The following TOX variants were observed in gnomAD, a reference collection of about 807,000 sequenced individuals.
TOX encodes the protein thymocyte selection-associated high mobility group box protein TOX.
A neutral mutation model predicts 53.7 loss-of-function variants in TOX; 11 were observed. The observed-to-expected ratio is 0.20, with a 90% CI of 0.13 to 0.34. TOX has a LOEUF of 0.34. Among genes scored for constraint, TOX ranks in the 10% least tolerant of loss-of-function variants. The pLI, the probability that TOX is intolerant of heterozygous loss-of-function variation, is 1.00. For missense variants in TOX, 570 were observed against 664.6 expected, an observed-to-expected ratio of 0.86 and a Z score of 1.56; for synonymous variants, 225 against 245.3, an observed-to-expected ratio of 0.92 and a Z score of 0.77.
rs369635293 is a variant in TOX, at chr8:58,815,416, C to T, written c.1314G>A (p.Pro438=). The change falls in exon 7 of 9, where the codon CCG becomes CCA. Residue 438 remains proline, a synonymous_variant. Coordinates refer to ENST00000361421, the MANE Select transcript of TOX (RefSeq NM_014729.3). ...TCCCAAGGGGCTGCTGCATGGTGAG[C>T]GGCTGGTGCTGCTGCATGTTGAGAT... ...HQHLNMQQHQ[P]LTMQQPLGNQ... 4.4e-5 allele frequency: 71 copies of T among 1,613,766 alleles called. No individual in the cohort carries two copies. The highest frequency in any genetic ancestry group is 2.2e-4 in the South Asian group (20 of 91,014).
chr8:58,933,868 T>G (rs982556357), intron 3 of TOX, among the ~76,000 whole-genome samples: 2 of 152,060 alleles, frequency 1.3e-5, no homozygotes, highest in Non-Finnish European at 2.9e-5. Flanking sequence ...CTGACACCAC[T>G]CCCAACAAGC....
At chr8:59,026,118 T>TTA (rs199770244) in intron 1 of TOX, among the ~76,000 whole-genome samples, 4 of 118,954 alleles carry the variant, frequency 3.4e-5, no homozygotes, top group Admixed American at 2.4e-4. Flanking sequence ...TCACTTAATT[T>TTA]TATGTTTTTT....
At chr8:59,051,643 G>C (rs1385164673) in intron 1 of TOX, among the ~76,000 whole-genome samples, 1 of 152,038 alleles carries the variant, frequency 6.6e-6, no homozygotes, top group African/African-American at 2.4e-5. Context: ...TGCAACCTAA[G>C]TCTTAGCAAA....
chr8:58,989,927 T>C (rs1813409011), intron 1 of TOX, among the ~76,000 whole-genome samples: 1 of 152,142 alleles, frequency 6.6e-6, no homozygotes, highest in South Asian at 2.1e-4. Context: ...TGATCCATAA[T>C]TGAGGTCAGA....
intron 1 of TOX, among the ~76,000 whole-genome samples, chr8:59,069,388 T>A (rs1804153248): frequency 6.6e-6 from 1 of 152,090 alleles, no homozygotes; most frequent in South Asian, 2.1e-4. Flanking sequence ...AGGAGAGGTG[T>A]TATGTTTGAT....
intron 7 of TOX, 140 bp downstream of exon 7, chr8:58,815,198 C>A (rs1810152521): frequency 8.8e-7 from 1 of 1,142,640 alleles, no homozygotes; most frequent in South Asian, 2.5e-5. Flanking sequence ...TGTTGAATAT[C>A]TTTAGTGCTC....
intron 7 of TOX, among the ~76,000 whole-genome samples, chr8:58,811,259 A>G (rs1268652494): frequency 6.6e-6 from 1 of 152,238 alleles, no homozygotes; most frequent in African/African-American, 2.4e-5. Context: ...TAATTAAACA[A>G]GACTGAATAT....
chr8:59,064,977 G>A (rs1804061382), intron 1 of TOX, among the ~76,000 whole-genome samples: 1 of 152,058 alleles, frequency 6.6e-6, no homozygotes, highest in African/African-American at 2.4e-5. Flanking sequence ...GAACAAAAAA[G>A]CGCCCTGAGG....
chr8:58,939,858 A>T (rs1017687817), intron 2 of TOX, among the ~76,000 whole-genome samples: 30 of 152,202 alleles, frequency 2.0e-4, no homozygotes, highest in Admixed American at 1.6e-3. Context: ...TACCTCTTTC[A>T]TGGGAATTGT....
chr8:58,986,298 C>A (rs1813326502), intron 1 of TOX, among the ~76,000 whole-genome samples: 1 of 152,122 alleles, frequency 6.6e-6, no homozygotes, highest in Non-Finnish European at 1.5e-5. Flanking sequence ...AAAACTACTA[C>A]AGGATTTAGA....
At chr8:58,912,685 C>T (rs1345494627) in intron 3 of TOX, among the ~76,000 whole-genome samples, 1 of 152,136 alleles carries the variant, frequency 6.6e-6, no homozygotes, top group Non-Finnish European at 1.5e-5. Context: ...TTGAGAAACC[C>T]CACGGCTCAG....
intron 3 of TOX, among the ~76,000 whole-genome samples, chr8:58,884,801 A>G (rs1811439956): frequency 6.6e-6 from 1 of 152,146 alleles, no homozygotes; most frequent in South Asian, 2.1e-4. Flanking sequence ...TTTTAGCTTT[A>G]CCAAATAATG....
At chr8:58,993,609 C>T (rs1390122987) in intron 1 of TOX, among the ~76,000 whole-genome samples, 1 of 152,144 alleles carries the variant, frequency 6.6e-6, no homozygotes, top group African/African-American at 2.4e-5. Flanking sequence ...AGTAATAACA[C>T]CCAGAGGTAA....
intron 1 of TOX, among the ~76,000 whole-genome samples, chr8:59,071,569 T>A (rs921161169): frequency 2.6e-5 from 4 of 152,202 alleles, no homozygotes; most frequent in Non-Finnish European, 4.4e-5. Context: ...TTAAAACTCA[T>A]TAATTTTAGA....
intron 1 of TOX, among the ~76,000 whole-genome samples, chr8:59,098,018 A>T (rs1804741994): frequency 6.6e-6 from 1 of 152,148 alleles, no homozygotes; most frequent in African/African-American, 2.4e-5. Context: ...GAAATCCATC[A>T]TTTGGAGTAA....
At chr8:58,893,658 C>T (rs115752659) in intron 3 of TOX, among the ~76,000 whole-genome samples, 1 of 152,192 alleles carries the variant, frequency 6.6e-6, no homozygotes, top group African/African-American at 2.4e-5. Flanking sequence ...ATGGCTTTAG[C>T]TGCCTTTGGT....
chr8:58,906,710 T>G (rs902227463), intron 3 of TOX, among the ~76,000 whole-genome samples: 10 of 152,332 alleles, frequency 6.6e-5, no homozygotes, highest in Middle Eastern at 3.4e-3. Flanking sequence ...TTATAAACGC[T>G]ACATTTTTTT....
At chr8:58,958,756 C>A (rs139284650) in intron 2 of TOX, among the ~76,000 whole-genome samples, 5 of 152,148 alleles carry the variant, frequency 3.3e-5, no homozygotes, top group African/African-American at 1.2e-4. Context: ...TCATGATGAC[C>A]TTTTCAGCTG....
intron 1 of TOX, among the ~76,000 whole-genome samples, chr8:58,960,986 A>C (rs1367609850): frequency 3.3e-5 from 5 of 152,238 alleles, no homozygotes; most frequent in Admixed American, 2.6e-4. Flanking sequence ...AACTTCAGAC[A>C]TGGGGAATTG....
Sources: allele counts gnomAD v4.1 joint callset (sites outside exome capture counted in the v4.1 genomes callset), GRCh38; gene constraint gnomAD v4.1.1; transcripts MANE v1.5; gene names NCBI Gene and HGNC (gene_info 2026-07-23, HGNC 2026-07-21).